CDC42BPB: variants seen among roughly 807,000 people sequenced by gnomAD.
CDC42BPB encodes the protein CDC42 binding protein kinase beta.
Under a neutral mutation model 214.9 loss-of-function variants are expected in CDC42BPB, and 37 were observed. That is an observed-to-expected ratio of 0.17 (90% CI 0.13 to 0.23). The LOEUF (loss-of-function observed/expected upper bound fraction) is 0.23, where lower values mean the gene tolerates loss of function less well. Among genes scored for constraint, CDC42BPB ranks in the 10% least tolerant of loss-of-function variants. CDC42BPB has a pLI of 1.00. For synonymous variants in CDC42BPB, 931 were observed against 884.0 expected (o/e 1.05, Z -0.94); for missense variants, 1,694 against 2,227.0 (o/e 0.76, Z 4.82).
intron 1 of CDC42BPB, among the ~76,000 whole-genome samples, chr14:103,037,129 A>C (rs567571640): frequency 6.6e-6 from 1 of 152,312 alleles, no homozygotes; most frequent in East Asian, 1.9e-4. Flanking sequence ...TTAATGTTTA[A>C]AACAATCTTT....
chr14:102,978,020 C>T (rs1344585067), intron 9 of CDC42BPB, 106 bp downstream of exon 9: 8 of 809,698 alleles, frequency 9.9e-6, no homozygotes, highest in South Asian at 1.5e-5. Context: ...GGCCTCCCAG[C>T]GCACACACCA....
intron 8 of CDC42BPB, among the ~76,000 whole-genome samples, chr14:102,980,528 AAAGTATTTCTGTTG>A: frequency 6.6e-6 from 1 of 152,310 alleles, no homozygotes; most frequent in East Asian, 1.9e-4. Flanking sequence ...AATAAAAGCA[AAAGTATTTCTGTTG>A]AGTTGCAAAA....
intron 1 of CDC42BPB, among the ~76,000 whole-genome samples, chr14:103,016,230 A>G (rs966628312): frequency 1.3e-5 from 2 of 152,332 alleles, no homozygotes; most frequent in African/African-American, 4.8e-5. Context: ...GGCGTGGGGA[A>G]AACTCCAAAC....
At chr14:102,972,455 G>A (rs1391452921) in intron 12 of CDC42BPB, 1 of 324,106 alleles carries the variant, frequency 3.1e-6, no homozygotes, top group African/African-American at 2.2e-5. Flanking sequence ...TGGAGGCCAA[G>A]GTGGGCGGGT....
rs1483645258 is a variant in CDC42BPB, at chr14:102,938,360, G to C, written c.4879C>G (p.Leu1627Val). The C allele has an allele frequency of 4.4e-6, 7 of 1,592,476 alleles. No homozygotes were observed. Among genetic ancestry groups the C allele is most frequent in the Non-Finnish European group, 6.0e-6 (7 of 1,170,832 alleles). ...EERPGPAPTN[L>V]ARQPPSRNKP... ...TTCCTGGATGGAGGCTGGCGAGCCAGGTTGGTGGGAGCGGGGCCCGGCCTT... is the reference window on the plus strand; with the variant it reads ...TTCCTGGATGGAGGCTGGCGAGCCACGTTGGTGGGAGCGGGGCCCGGCCTT... The change falls in exon 35 of 37, where the codon CTG becomes GTG. Residue 1627 changes from leucine (L) to valine (V), a missense_variant. Coordinates refer to ENST00000361246, the MANE Select transcript of CDC42BPB (RefSeq NM_006035.4).
intron 1 of CDC42BPB, among the ~76,000 whole-genome samples, chr14:103,040,229 C>T (rs1297360915): frequency 2.6e-5 from 4 of 151,846 alleles, no homozygotes; most frequent in South Asian, 2.1e-4. Context: ...GTGGCGGGTG[C>T]CTGCAATCCC....
intron 2 of CDC42BPB, chr14:103,008,831 C>G (rs1448450913): frequency 4.7e-6 from 1 of 213,610 alleles, no homozygotes; most frequent in Non-Finnish European, 8.1e-6. Flanking sequence ...ATGGCAGGAC[C>G]GGACTCCTGA....
At chr14:102,988,871 C>CA (rs34126680) in intron 5 of CDC42BPB, among the ~76,000 whole-genome samples, 32,755 of 116,542 alleles carry the variant, frequency 0.28, 4,131 homozygotes, top group South Asian at 0.35. Flanking sequence ...CCCCCCCTTC[C>CA]AAAAAAAAAA....
chr14:102,950,094 G>C (rs1892416315), intron 25 of CDC42BPB, 190 bp from the exon 26 acceptor site: 4 of 985,342 alleles, frequency 4.1e-6, no homozygotes, highest in Admixed American at 6.1e-5. Flanking sequence ...GACGGTGCCA[G>C]GGAAAGCTGG....
At chr14:102,968,899 G>C in intron 14 of CDC42BPB, 183 bp from the exon 15 acceptor site, 1 of 985,500 alleles carries the variant, frequency 1.0e-6, no homozygotes, top group Non-Finnish European at 1.2e-6. Flanking sequence ...GTCACAGCAG[G>C]AGACGGCCTT....
At chr14:103,026,163 C>G (rs541114509) in intron 1 of CDC42BPB, among the ~76,000 whole-genome samples, 1 of 151,350 alleles carries the variant, frequency 6.6e-6, no homozygotes, top group African/African-American at 2.4e-5. Flanking sequence ...TTTGGGAGGC[C>G]GAGGTGAGTG....
intron 2 of CDC42BPB, 129 bp from the exon 3 acceptor site, chr14:103,008,684 TTC>T: frequency 6.8e-7 from 1 of 1,466,678 alleles, no homozygotes; most frequent in Non-Finnish European, 9.0e-7. Context: ...AAAGCCAAGT[TTC>T]CCACCTAGCA....
At chr14:102,934,087 GC>G in intron 36 of CDC42BPB, 1 of 1,208,792 alleles carries the variant, frequency 8.3e-7, no homozygotes, top group South Asian at 2.1e-5. Flanking sequence ...ACAAAAGACA[GC>G]AACTCTGTAG....
rs530413140 is a variant in CDC42BPB at position 103,056,717 on chromosome 14, G to A, written c.175+282C>T. Among the ~76,000 whole-genome samples, 68 of 152,082 alleles carry A rather than the reference G, an allele frequency of 4.5e-4. 1 individual carries two copies. The South Asian group carries it at 8.5e-3, about 19-fold the overall frequency. On this transcript the variant is annotated intron_variant, in intron 1 of 36. Transcript: ENST00000361246. ...GGGAACGTAGGATGTGGCTCCAAGG[G>A]GCAGGATGAGGGGGCGGGACGATCG...
chr14:102,964,265 G>A (rs922907636), intron 19 of CDC42BPB, among the ~76,000 whole-genome samples: 11 of 152,216 alleles, frequency 7.2e-5, no homozygotes, highest in Non-Finnish European at 1.5e-4. Context: ...GGCTCGCACC[G>A]CACCACACCC....
At chr14:103,040,296 A>G (rs1286052998) in intron 1 of CDC42BPB, among the ~76,000 whole-genome samples, 1 of 150,902 alleles carries the variant, frequency 6.6e-6, no homozygotes, top group East Asian at 2.0e-4. Context: ...CAGAGGTTGC[A>G]GTGAGCCAAG....
At position 102,975,869 on chromosome 14, in the gene CDC42BPB, G is replaced by A. The variant is rs199745145; in HGVS notation, c.1387+14C>T. 8.6e-5 allele frequency: 138 copies of A among 1,613,970 alleles called. No individual in the cohort carries two copies. Among genetic ancestry groups the A allele is most frequent in the Non-Finnish European group, 1.1e-4 (130 of 1,179,920 alleles). Reference sequence around the variant, plus strand: ...AGCGCCCCCGCCTGGCCCCGGAGCCGGCGCTGCCCTCACCTTGCAGCTTCC... The same window carrying A: ...AGCGCCCCCGCCTGGCCCCGGAGCCAGCGCTGCCCTCACCTTGCAGCTTCC... On this transcript the variant is annotated intron_variant, in intron 10 of 36. Transcript: ENST00000361246.
Position 102,994,220 on chromosome 14 carries a change from G to A in CDC42BPB, c.596+5345C>T, listed in dbSNP as rs1894622610. On this transcript the variant is annotated intron_variant, in intron 5 of 36. Transcript: ENST00000361246. ...GGATGTTTTTCCAGGGGCCACCCCA[G>A]GACCACCAACACAGTACACTCTGAG... 2.6e-5 allele frequency among the ~76,000 whole-genome samples: 4 copies of A among 152,134 alleles called. No homozygotes were observed. The South Asian group carries it at 8.3e-4, about 31-fold the overall frequency.
At chr14:103,007,298 C>T (rs1387322151) in intron 3 of CDC42BPB, among the ~76,000 whole-genome samples, 3 of 152,124 alleles carry the variant, frequency 2.0e-5, no homozygotes, top group East Asian at 1.9e-4. Flanking sequence ...GGGTGCAGAG[C>T]GGGGGAGGGA....
Sources: allele counts gnomAD v4.1 joint callset (sites outside exome capture counted in the v4.1 genomes callset), GRCh38; gene constraint gnomAD v4.1.1; transcripts MANE v1.5; gene names NCBI Gene and HGNC (gene_info 2026-07-23, HGNC 2026-07-21).